Variants in NKAIN3 observed in about 807,000 individuals in gnomAD.
NKAIN3 encodes the protein sodium/potassium-transporting ATPase subunit beta-1-interacting protein 3.
NKAIN3 carries 25 observed loss-of-function variants against 30.2 expected under a neutral mutation model. The observed-to-expected ratio is 0.83, with a 90% CI of 0.60 to 1.16. The LOEUF (loss-of-function observed/expected upper bound fraction) is 1.16. Among genes scored for constraint, NKAIN3 ranks in the 50% most tolerant of loss-of-function variants. NKAIN3 has a pLI of 0.00. For synonymous variants in NKAIN3, 91 were observed against 89.6 expected (o/e 1.02, Z -0.09); for missense variants, 225 against 254.1 (o/e 0.89, Z 0.78).
rs1823929944 is a variant in NKAIN3 at position 62,975,878 on chromosome 8, T to G, written c.*10471T>G. On this transcript the variant is annotated 3_prime_UTR_variant, in exon 7 of 7. Transcript: ENST00000623646. ...GCTCTATCCCAGAGATTCTGGTACA[T>G]TGTGTCTTTGTTCTTGTTGGTTTCA... 6.6e-6 allele frequency among the ~76,000 whole-genome samples: 1 copy of G among 152,230 alleles called. No individual in the cohort carries two copies. The highest frequency in any genetic ancestry group is 1.5e-5 in the Non-Finnish European group (1 of 68,034).
chr8:62,893,226 G>A (rs10216904), intron 4 of NKAIN3, among the ~76,000 whole-genome samples: 28,311 of 151,886 alleles, frequency 0.19, 3,495 homozygotes, highest in East Asian at 0.54. Flanking sequence ...CTCCATGTCC[G>A]TACGTTAAGG....
chr8:62,683,280 C>A (rs1312776211), intron 3 of NKAIN3, among the ~76,000 whole-genome samples: 1 of 152,082 alleles, frequency 6.6e-6, no homozygotes, highest in Non-Finnish European at 1.5e-5. Flanking sequence ...GTGATCCGCC[C>A]ACCTCGGCCT....
chr8:62,413,388 G>A (rs186755216), intron 1 of NKAIN3, among the ~76,000 whole-genome samples: 113 of 152,248 alleles, frequency 7.4e-4, no homozygotes, highest in African/African-American at 2.6e-3. Context: ...CACACCACTT[G>A]TTAAATATTT....
At chr8:62,547,304 A>G (rs565024054) in intron 1 of NKAIN3, among the ~76,000 whole-genome samples, 1 of 152,210 alleles carries the variant, frequency 6.6e-6, no homozygotes, top group Non-Finnish European at 1.5e-5. Context: ...TTACTAACAT[A>G]GGACCACATC....
intron 4 of NKAIN3, among the ~76,000 whole-genome samples, chr8:62,762,701 G>C (rs767778919): frequency 3.3e-5 from 5 of 152,140 alleles, no homozygotes; most frequent in Non-Finnish European, 7.4e-5. Flanking sequence ...AACAGTTCTT[G>C]CAGGAAAAGA....
chr8:62,395,231 G>A (rs115422810), intron 1 of NKAIN3, among the ~76,000 whole-genome samples: 1 of 141,576 alleles, frequency 7.1e-6, no homozygotes, highest in Admixed American at 7.0e-5. Context: ...AGGGAGGTGC[G>A]GGGAGAGGTG....
intron 3 of NKAIN3, among the ~76,000 whole-genome samples, chr8:62,613,730 G>A (rs907556371): frequency 3.3e-5 from 5 of 151,766 alleles, no homozygotes; most frequent in African/African-American, 1.2e-4. Flanking sequence ...TCTTCTGATT[G>A]TATATGTTCA....
At chr8:62,364,510 A>G (rs1816666615) in intron 1 of NKAIN3, among the ~76,000 whole-genome samples, 1 of 152,152 alleles carries the variant, frequency 6.6e-6, no homozygotes, top group Non-Finnish European at 1.5e-5. Flanking sequence ...AGTCATTACA[A>G]GAAATTCTAC....
At chr8:62,443,174 A>G (rs75886963) in intron 1 of NKAIN3, among the ~76,000 whole-genome samples, 1,776 of 151,940 alleles carry the variant, frequency 0.012, 29 homozygotes, top group African/African-American at 0.04. Flanking sequence ...TAAAATCCCA[A>G]TCACAATTGT....
intron 4 of NKAIN3, among the ~76,000 whole-genome samples, chr8:62,804,490 T>C (rs1412092948): frequency 2.0e-5 from 3 of 152,150 alleles, no homozygotes. Context: ...GCAAGGCTGG[T>C]TCAATATACG....
At chr8:62,728,675 AAAAAC>A (rs1266317482) in intron 3 of NKAIN3, among the ~76,000 whole-genome samples, 1 of 151,034 alleles carries the variant, frequency 6.6e-6, no homozygotes, top group Non-Finnish European at 1.5e-5. Flanking sequence ...CAAAAAACAA[AAAAAC>A]AAAACAAAAC....
At chr8:62,308,585 G>T (rs1158533663) in intron 1 of NKAIN3, among the ~76,000 whole-genome samples, 7 of 150,406 alleles carry the variant, frequency 4.7e-5, no homozygotes, top group Admixed American at 4.6e-4. Context: ...TATAAGGATG[G>T]CCAACTAGAG....
rs149093736 is a variant in NKAIN3, at chr8:62,427,807, T to C, written c.55-151732T>C. On this transcript the variant is annotated intron_variant, in intron 1 of 6. Coordinates refer to ENST00000623646, the MANE Select transcript of NKAIN3 (RefSeq NM_001304533.3). ...ATCAAATCTGGGTAATTGTAATATTTCATAACCTGAAACAATTATCATGTC... is the reference window on the plus strand; with the variant it reads ...ATCAAATCTGGGTAATTGTAATATTCCATAACCTGAAACAATTATCATGTC... Among the ~76,000 whole-genome samples, 80 of 152,148 alleles carry C rather than the reference T, an allele frequency of 5.3e-4. No homozygotes were observed. The East Asian group carries it at 0.012, about 23-fold the overall frequency.
chr8:62,353,217 T>TA (rs1361073265), intron 1 of NKAIN3, among the ~76,000 whole-genome samples: 17 of 152,146 alleles, frequency 1.1e-4, no homozygotes, highest in South Asian at 2.1e-4. Context: ...TACAAAAAAA[T>TA]AAAAAAATAA....
At chr8:62,514,994 A>G (rs1807939485) in intron 1 of NKAIN3, among the ~76,000 whole-genome samples, 1 of 152,112 alleles carries the variant, frequency 6.6e-6, no homozygotes, top group Admixed American at 6.6e-5. Context: ...TAGTTTGGGA[A>G]TTAATTTTCA....
chr8:62,454,301 CAAAAA>C lies in NKAIN3; in HGVS notation c.55-125220_55-125216del, dbSNP rs201511724. ...ACCAACACTAACAATAGCTGATGTG[CAAAAA>C]AAAAAAAAAAAAAAAAATCTGAAAA... On this transcript the variant is annotated intron_variant, in intron 1 of 6. Coordinates refer to ENST00000623646, the MANE Select transcript of NKAIN3 (RefSeq NM_001304533.3). Among the ~76,000 whole-genome samples the C allele has an allele frequency of 5.8e-3, 323 of 56,166 alleles. 7 individuals carry two copies. The highest frequency in any genetic ancestry group is 0.017 in the African/African-American group (306 of 17,812). The allele number at this position is 56,166 out of a possible 152,430, so 36.8% of individuals were successfully genotyped here. A position where few individuals can be genotyped will look rare whatever the true frequency, so the allele number is the denominator to read the frequency against.
chr8:62,314,963 T>C (rs946792472), intron 1 of NKAIN3, among the ~76,000 whole-genome samples: 15 of 152,172 alleles, frequency 9.9e-5, no homozygotes, highest in African/African-American at 3.4e-4. Context: ...AGATGATTTG[T>C]CCAGTGTGCT....
chr8:62,278,178 G>C (rs1286591238), intron 1 of NKAIN3, among the ~76,000 whole-genome samples: 1 of 152,186 alleles, frequency 6.6e-6, no homozygotes, highest in Non-Finnish European at 1.5e-5. Context: ...GCAGGATGGA[G>C]AGCTGAAGAG....
chr8:62,288,412 C>T (rs1285321770), intron 1 of NKAIN3, among the ~76,000 whole-genome samples: 1 of 152,126 alleles, frequency 6.6e-6, no homozygotes, highest in African/African-American at 2.4e-5. Flanking sequence ...TGACGACAGG[C>T]CCTGGTGTGT....
Sources: gnomAD v4.1 joint callset for allele counts (sites outside exome capture counted in the v4.1 genomes callset) on GRCh38, gnomAD v4.1.1 for gene constraint, MANE v1.5 for transcripts, NCBI Gene and HGNC (gene_info 2026-07-23, HGNC 2026-07-21) for gene names.